Variants in UQCC1 observed in about 807,000 individuals in gnomAD.
The protein encoded by UQCC1 is ubiquinol-cytochrome c reductase complex assembly factor 1.
A neutral mutation model predicts 48.0 loss-of-function variants in UQCC1; 38 were observed. The observed-to-expected ratio is 0.79, with a 90% confidence interval of 0.61 to 1.04. The LOEUF is 1.04. Among genes scored for constraint, UQCC1 ranks in the 50% least tolerant of loss-of-function variants. The probability of loss-of-function intolerance (pLI) is 0.00; values close to 1 mark genes in which losing one functional copy is unlikely to be tolerated. For missense variants in UQCC1, 368 were observed against 381.8 expected (o/e 0.96, Z 0.30); for synonymous variants, 111 against 129.2 (o/e 0.86, Z 0.95).
rs115501674 is a variant in UQCC1, at chr20:35,341,080, C to G, written c.573+6084G>C. The stretch of plus-strand genomic sequence containing the variant: ...CCTGTCTAAAATTACAAACATTAGC[C>G]GGGTATGGTGCACGCCTGTAATCCC... On this transcript the variant is annotated intron_variant, in intron 7 of 9. Coordinates refer to ENST00000374385, the MANE Select transcript of UQCC1 (RefSeq NM_018244.5). Among the ~76,000 whole-genome samples, 1,004 of 151,594 alleles carry G rather than the reference C, an allele frequency of 6.6e-3. 14 individuals carry two copies. Among genetic ancestry groups the G allele is most frequent in the African/African-American group, 0.023 (959 of 41,332 alleles).
intron 1 of UQCC1, among the ~76,000 whole-genome samples, chr20:35,403,692 A>C (rs1727323611): frequency 6.6e-6 from 1 of 152,262 alleles, no homozygotes; most frequent in African/African-American, 2.4e-5. Context: ...CTGGATTAAG[A>C]AAATGTGGCA....
At chr20:35,374,152 C>T in intron 5 of UQCC1, 32 bp downstream of exon 5, 2 of 1,533,764 alleles carry the variant, frequency 1.3e-6, no homozygotes, top group Non-Finnish European at 1.8e-6. Context: ...TAGATTTGTT[C>T]TCCTTTTCAG....
intron 2 of UQCC1, chr20:35,392,318 C>G (rs779834194): frequency 7.7e-7 from 1 of 1,297,854 alleles, no homozygotes; most frequent in Non-Finnish European, 1.0e-6. Flanking sequence ...ACAGTCGATA[C>G]GACAAAAGGT....
intron 6 of UQCC1, among the ~76,000 whole-genome samples, chr20:35,360,571 T>G (rs953891059): frequency 5.3e-5 from 8 of 152,214 alleles, no homozygotes; most frequent in Non-Finnish European, 8.8e-5. Context: ...CATTTGAAAC[T>G]TCTTGAAAAG....
intron 7 of UQCC1, chr20:35,345,395 C>A (rs1191367881): frequency 6.6e-6 from 1 of 152,202 alleles, no homozygotes; most frequent in Non-Finnish European, 1.5e-5. Flanking sequence ...ACCTGGTGAC[C>A]TCTCTCCAGA....
intron 2 of UQCC1, among the ~76,000 whole-genome samples, chr20:35,384,966 CAAAAAAAAAAAAAAA>C (rs57141083): frequency 1.6e-4 from 11 of 69,762 alleles, no homozygotes; most frequent in Admixed American, 5.5e-4. Context: ...GAATCGGTCT[CAAAAAAAAAAAAAAA>C]AAAAAAAAAA....
Position 35,303,985 on chromosome 20 carries a change from G to A in UQCC1, c.850C>T (p.Gln284Ter), listed in dbSNP as rs1568641888. ...GGAGAATGGGGCTTCAGGATGCTCTGAGGATTCTTCTCCACTAGAGGGCGC... is the reference window on the plus strand; with the variant it reads ...GGAGAATGGGGCTTCAGGATGCTCTAAGGATTCTTCTCCACTAGAGGGCGC... ...SWRPLVEKNP[Q>*]SILKPHSPTY... is the part of the protein sequence containing the mutation. The change falls in exon 10 of 10, where the codon CAG becomes TAG. Residue 284 changes from glutamine to a stop codon, truncating the protein, a stop_gained. Coordinates refer to ENST00000374385, the MANE Select transcript of UQCC1 (RefSeq NM_018244.5). LOFTEE classifies it high-confidence loss of function. The A allele has an allele frequency of 1.2e-6, 2 of 1,614,190 alleles. No homozygotes were observed. The highest frequency in any genetic ancestry group is 1.7e-6 in the Non-Finnish European group (2 of 1,180,024).
At chr20:35,400,004 C>A (rs1295159461) in intron 1 of UQCC1, among the ~76,000 whole-genome samples, 7 of 149,176 alleles carry the variant, frequency 4.7e-5, no homozygotes, top group Non-Finnish European at 1.0e-4. Context: ...CGGCTCACCG[C>A]AACCTTCACC....
chr20:35,402,162 G>T (rs908980232), intron 1 of UQCC1, among the ~76,000 whole-genome samples: 2 of 152,136 alleles, frequency 1.3e-5, no homozygotes, highest in African/African-American at 4.8e-5. Context: ...CTGAATACAG[G>T]CCGGGCATAG....
intron 7 of UQCC1, among the ~76,000 whole-genome samples, chr20:35,343,115 G>GAAA (rs945975604): frequency 2.6e-5 from 4 of 152,096 alleles, no homozygotes; most frequent in African/African-American, 4.8e-5. Context: ...TTTGGCATGA[G>GAAA]AAAAATCACT....
intron 7 of UQCC1, among the ~76,000 whole-genome samples, chr20:35,321,283 T>TGTGTGTGTGTGTGTGTGTGCGC (rs1389196330): frequency 3.5e-4 from 49 of 141,582 alleles, no homozygotes; most frequent in African/African-American, 1.3e-3. Context: ...TGTGTGTGTG[T>TGTGTGTGTGTGTGTGTGTGCGC]GCGCGCGCGC....
chr20:35,323,718 G>T (rs1200331065), intron 7 of UQCC1, among the ~76,000 whole-genome samples: 2 of 152,210 alleles, frequency 1.3e-5, no homozygotes, highest in African/African-American at 4.8e-5. Context: ...GATTGGTCAG[G>T]TTGCCTCCAT....
intron 9 of UQCC1, among the ~76,000 whole-genome samples, chr20:35,305,321 C>T (rs1288291896): frequency 6.6e-6 from 1 of 152,240 alleles, no homozygotes; most frequent in African/African-American, 2.4e-5. Flanking sequence ...GGTTTTTCCA[C>T]TGCCTCTCAC....
chr20:35,388,284 T>G (rs1464122309), intron 2 of UQCC1, among the ~76,000 whole-genome samples: 1 of 89,868 alleles, frequency 1.1e-5, no homozygotes, highest in African/African-American at 4.6e-5. Context: ...ACCTGCCCCT[T>G]CTATTTCTTT....
intron 7 of UQCC1, among the ~76,000 whole-genome samples, chr20:35,331,090 G>A (rs1456542064): frequency 6.6e-6 from 1 of 152,162 alleles, no homozygotes; most frequent in Non-Finnish European, 1.5e-5. Flanking sequence ...TTTGAAATCT[G>A]AAGAATCTTA....
chr20:35,363,556 C>T (rs1414658612), intron 6 of UQCC1, among the ~76,000 whole-genome samples: 1 of 152,176 alleles, frequency 6.6e-6, no homozygotes, highest in African/African-American at 2.4e-5. Flanking sequence ...AAGTGAAACA[C>T]CATTTCCTCC....
intron 7 of UQCC1, among the ~76,000 whole-genome samples, chr20:35,335,394 T>C (rs1029473480): frequency 7.2e-5 from 11 of 151,934 alleles, no homozygotes; most frequent in African/African-American, 2.4e-4. Flanking sequence ...TTTTAAAACA[T>C]GGTATATCTA....
chr20:35,370,349 T>G (rs2061717034), intron 5 of UQCC1, among the ~76,000 whole-genome samples: 1 of 151,846 alleles, frequency 6.6e-6, no homozygotes, highest in Admixed American at 6.6e-5. Context: ...ACCCAGCCCC[T>G]TTCTCTTATT....
rs1555805505 is a variant in UQCC1 at position 35,338,892 on chromosome 20, A to AATATATAT, written c.573+8264_573+8271dup. Among the ~76,000 whole-genome samples, 62 of 30,572 alleles carry AATATATAT rather than the reference A, an allele frequency of 2.0e-3. 4 individuals carry two copies. Among genetic ancestry groups the AATATATAT allele is most frequent in the South Asian group, 6.9e-3 (4 of 576 alleles). 20.1% of individuals were successfully genotyped at this position (30,572 alleles called of 152,430 possible). Reference sequence around the variant, plus strand: ...AAAAAAAAAAAAAAAAAAAAAAAAAAATATATATATATATATGGAGAGATT... The same window carrying AATATATAT: ...AAAAAAAAAAAAAAAAAAAAAAAAAAATATATATATATATATATATATATGGAGAGATT... On this transcript the variant is annotated intron_variant, in intron 7 of 9. Coordinates refer to ENST00000374385, the MANE Select transcript of UQCC1 (RefSeq NM_018244.5).
Sources: allele counts gnomAD v4.1 joint callset (sites outside exome capture counted in the v4.1 genomes callset), GRCh38; gene constraint gnomAD v4.1.1; transcripts MANE v1.5; gene names NCBI Gene and HGNC (gene_info 2026-07-23, HGNC 2026-07-21).